Variants in ARID1B observed in about 807,000 individuals in gnomAD.
ARID1B encodes the protein AT-rich interaction domain 1B.
A neutral mutation model predicts 212.3 loss-of-function variants in ARID1B; 30 were observed. The ratio of observed to expected loss-of-function variants is 0.14; its 90% confidence interval spans 0.11 to 0.19. The LOEUF (loss-of-function observed/expected upper bound fraction) is 0.19. Ranked by LOEUF, ARID1B falls within the 10% of genes least tolerant of loss-of-function variation. The pLI, the probability that ARID1B is intolerant of heterozygous loss-of-function variation, is 1.00. For synonymous variants in ARID1B, 1,402 were observed against 1,301.7 expected (o/e 1.08, Z -1.66); for missense variants, 2,891 against 3,204.0 (o/e 0.90, Z 2.36).
In ARID1B at chr6:157,207,916, T is replaced by G; in HGVS notation, c.*25T>G. 2 of 1,465,586 alleles carry G rather than the reference T, an allele frequency of 1.4e-6. No homozygotes were observed. Among genetic ancestry groups the G allele is most frequent in the East Asian group, 2.3e-5 (1 of 43,460 alleles). 90.8% of individuals were successfully genotyped at this position (1,465,586 alleles called of 1,614,324 possible). On this transcript the variant is annotated 3_prime_UTR_variant, in exon 20 of 20. Transcript: ENST00000636930. This position sits in a 1 kb window ranked among gnomAD's most constrained non-coding sequence, Gnocchi z 8.5. ...ACATAAGTGAGAAGGCAAGCATGTG[T>G]GAGTGAAGATTAGAGGGTCACATAT... is the stretch of plus-strand genomic sequence containing the variant.
At chr6:156,811,050 T>A (rs1021585018) in intron 1 of ARID1B, among the ~76,000 whole-genome samples, 1 of 152,094 alleles carries the variant, frequency 6.6e-6, no homozygotes, top group Non-Finnish European at 1.5e-5. Flanking sequence ...CCTCAGACTG[T>A]TGGCAGAATT....
intron 4 of ARID1B, among the ~76,000 whole-genome samples, chr6:157,017,167 G>A (rs1779961962): frequency 6.6e-6 from 1 of 152,184 alleles, no homozygotes; most frequent in African/African-American, 2.4e-5. Flanking sequence ...GCGCCCCAGG[G>A]AATGGACCTT....
intron 3 of ARID1B, among the ~76,000 whole-genome samples, chr6:156,917,015 C>T (rs568537495): frequency 2.0e-5 from 3 of 152,276 alleles, no homozygotes; most frequent in South Asian, 2.1e-4. Flanking sequence ...TTGGCATCCT[C>T]GCACAACCCT....
At chr6:156,818,470 C>G (rs1270101310) in intron 1 of ARID1B, among the ~76,000 whole-genome samples, 1 of 152,186 alleles carries the variant, frequency 6.6e-6, no homozygotes, top group Non-Finnish European at 1.5e-5. Context: ...AGTAACTTCT[C>G]TGTCTTTACG....
chr6:157,005,102 C>T (rs149328785), intron 4 of ARID1B, among the ~76,000 whole-genome samples: 29,322 of 150,016 alleles, frequency 0.2, 3,273 homozygotes, highest in Non-Finnish European at 0.25. Context: ...TTAGTAGAGA[C>T]GGGGTTTCAC....
chr6:157,108,371 C>CACGGT (rs1280534412), intron 5 of ARID1B, among the ~76,000 whole-genome samples: 1 of 152,132 alleles, frequency 6.6e-6, no homozygotes, highest in Admixed American at 6.5e-5. Context: ...CTGTCTAAGC[C>CACGGT]ACGGTGCCCT....
rs1003490413 is a variant in ARID1B, at chr6:156,870,632, G to A, written c.1987-30744G>A. 4.6e-5 allele frequency: 7 copies of A among 152,238 alleles called. No homozygotes were observed. In the East Asian group the frequency reaches 5.8e-4, roughly 13 times the overall value. 9.4% of individuals were successfully genotyped at this position (152,238 alleles called of 1,614,324 possible). On this transcript the variant is annotated intron_variant, in intron 2 of 19. Transcript: ENST00000636930. ...TGAATGAAGTCTTGTCAAATACTGA[G>A]TCTGTGTGGTAACTTAGACCTGGTG...
At chr6:157,020,283 C>T (rs1327766007) in intron 4 of ARID1B, among the ~76,000 whole-genome samples, 2 of 152,128 alleles carry the variant, frequency 1.3e-5, no homozygotes, top group Non-Finnish European at 2.9e-5. Flanking sequence ...TGCTTTTTAA[C>T]CTTGTAGATA....
At chr6:156,995,005 G>A (rs1778506247) in intron 4 of ARID1B, among the ~76,000 whole-genome samples, 1 of 152,224 alleles carries the variant, frequency 6.6e-6, no homozygotes, top group South Asian at 2.1e-4. Context: ...TTAGGTCTGA[G>A]CAGACTGACT....
chr6:156,781,101 A>G (rs773342663), intron 1 of ARID1B, among the ~76,000 whole-genome samples: 1 of 152,162 alleles, frequency 6.6e-6, no homozygotes, highest in Non-Finnish European at 1.5e-5. Flanking sequence ...TGACTGTTCA[A>G]AGATATTTGT....
At chr6:157,053,325 A>G (rs1392740505) in intron 4 of ARID1B, among the ~76,000 whole-genome samples, 7 of 152,140 alleles carry the variant, frequency 4.6e-5, no homozygotes, top group Non-Finnish European at 8.8e-5. Context: ...AGCTCAGGCA[A>G]TCTGCCCACC....
At chr6:156,858,385 C>T (rs946568140) in intron 2 of ARID1B, among the ~76,000 whole-genome samples, 2 of 152,126 alleles carry the variant, frequency 1.3e-5, no homozygotes, top group Non-Finnish European at 2.9e-5. Flanking sequence ...CTGGAATGTT[C>T]CTAACACAAA....
At chr6:156,858,960 T>C (rs557376855) in intron 2 of ARID1B, among the ~76,000 whole-genome samples, 1 of 152,158 alleles carries the variant, frequency 6.6e-6, no homozygotes, top group African/African-American at 2.4e-5. Context: ...AGGGTGAATG[T>C]GAAGGCCTAG....
Position 157,180,979 on chromosome 6 carries a change from C to T in ARID1B, c.3515C>T (p.Ser1172Phe). ...GCTTCTGGGTACTAGAAGTCCAGCT[C>T]CTCCACCACTACTGGGGAGAAGATC... ...PKTPSSPKSS[S>F]STTTGEKITK... The change falls in exon 12 of 20, where the codon TCC (serine) becomes TTC (phenylalanine). Residue 1172 changes from serine (S) to phenylalanine (F), a missense_variant. Physicochemically the swap from Ser to Phe is radical, Grantham distance 155 (BLOSUM62 -2). Transcript: ENST00000636930. 1.9e-6 allele frequency: 3 copies of T among 1,613,262 alleles called. No individual in the cohort carries two copies. The highest frequency in any genetic ancestry group is 2.5e-6 in the Non-Finnish European group (3 of 1,179,656).
intron 4 of ARID1B, among the ~76,000 whole-genome samples, chr6:157,080,016 A>C (rs1257064454): frequency 6.6e-6 from 1 of 152,192 alleles, no homozygotes; most frequent in Non-Finnish European, 1.5e-5. Flanking sequence ...CACAGTGAGA[A>C]ATCATTAACT....
chr6:156,808,918 T>A (rs1230371965), intron 1 of ARID1B, among the ~76,000 whole-genome samples: 1 of 152,236 alleles, frequency 6.6e-6, no homozygotes, highest in East Asian at 1.9e-4. Flanking sequence ...TTAAGATTTG[T>A]ACACACGAGT....
chr6:157,004,675 C>A (rs906233301), intron 4 of ARID1B, among the ~76,000 whole-genome samples: 4 of 152,158 alleles, frequency 2.6e-5, no homozygotes, highest in Non-Finnish European at 5.9e-5. Flanking sequence ...TGCACTTGGA[C>A]TTGGCTGTGT....
chr6:157,006,532 A>G (rs1466303332), intron 4 of ARID1B, among the ~76,000 whole-genome samples: 1 of 152,214 alleles, frequency 6.6e-6, no homozygotes, highest in African/African-American at 2.4e-5. Context: ...AACGTTTTTA[A>G]TAACTAACCT....
intron 4 of ARID1B, among the ~76,000 whole-genome samples, chr6:157,045,030 C>A (rs1782139081): frequency 6.6e-6 from 1 of 152,118 alleles, no homozygotes; most frequent in African/African-American, 2.4e-5. Flanking sequence ...TTGATTTAAA[C>A]ACTAGGGATT....
Sources: allele counts gnomAD v4.1 joint callset (sites outside exome capture counted in the v4.1 genomes callset), GRCh38; gene constraint gnomAD v4.1.1; non-coding constraint Gnocchi (gnomAD v3.1); transcripts MANE v1.5; gene names NCBI Gene and HGNC (gene_info 2026-07-23, HGNC 2026-07-21).